Variants in SCRG1 observed in about 807,000 individuals in gnomAD.
The protein encoded by SCRG1 is scrapie-responsive protein 1.
A neutral mutation model predicts 7.7 loss-of-function variants in SCRG1; 3 were observed. That is an observed-to-expected ratio of 0.39 (90% CI 0.18 to 1.01). The LOEUF (loss-of-function observed/expected upper bound fraction) is 1.01. Among genes scored for constraint, SCRG1 ranks in the 50% least tolerant of loss-of-function variants. SCRG1 has a pLI of 0.36. For missense variants in SCRG1, 110 were observed against 117.2 expected (o/e 0.94, Z 0.28); for synonymous variants, 46 against 41.2 (o/e 1.12, Z -0.44).
chr4:173,484,137 A>C, the SCRG1 span, among the ~76,000 whole-genome samples: 245 of 15,122 alleles, frequency 0.016, 1 homozygote, highest in African/African-American at 0.033. Context: ...ATAATATATA[A>C]TATAGAATAT....
the SCRG1 span, among the ~76,000 whole-genome samples, chr4:173,487,995 G>A: frequency 6.6e-6 from 1 of 152,004 alleles, no homozygotes; most frequent in Non-Finnish European, 1.5e-5. Context: ...CAGCTACTTG[G>A]GAGGCTGAGG....
chr4:173,495,327 CA>C, the SCRG1 span, among the ~76,000 whole-genome samples: 1 of 152,324 alleles, frequency 6.6e-6, no homozygotes, highest in Admixed American at 6.5e-5. Flanking sequence ...GGCACTGCCA[CA>C]AACTGCTTTA....
the SCRG1 span, among the ~76,000 whole-genome samples, chr4:173,485,477 C>G: frequency 1.3e-5 from 2 of 151,416 alleles, no homozygotes; most frequent in Non-Finnish European, 2.9e-5. Context: ...CTGAGTGATC[C>G]CAGACAAACC....
chr4:173,436,092 A>T, the SCRG1 span, among the ~76,000 whole-genome samples: 1 of 129,626 alleles, frequency 7.7e-6, no homozygotes, highest in South Asian at 3.1e-4. Flanking sequence ...AATTAAAAGG[A>T]TGAAAAAAAC....
chr4:173,498,756 G>A, the SCRG1 span, among the ~76,000 whole-genome samples: 2 of 152,158 alleles, frequency 1.3e-5, no homozygotes, highest in South Asian at 4.1e-4. Context: ...GTGTGTGTAT[G>A]TATAGATGCA....
chr4:173,395,895 A>G (rs1165700973), intron 1 of SCRG1, among the ~76,000 whole-genome samples: 5 of 152,252 alleles, frequency 3.3e-5, no homozygotes, highest in Admixed American at 2.0e-4. Context: ...TAAAGGGCCT[A>G]GAAGATATGA....
the SCRG1 span, among the ~76,000 whole-genome samples, chr4:173,488,371 G>A: frequency 6.6e-6 from 1 of 152,174 alleles, no homozygotes; most frequent in Non-Finnish European, 1.5e-5. Context: ...GGTAGGTGAT[G>A]TTGGACACTA....
chr4:173,426,026 A>G, the SCRG1 span, among the ~76,000 whole-genome samples: 1 of 152,228 alleles, frequency 6.6e-6, no homozygotes, highest in Non-Finnish European at 1.5e-5. Flanking sequence ...CTCCTGGGGT[A>G]AGTTTGCCAG....
chr4:173,491,219 T>C, the SCRG1 span, among the ~76,000 whole-genome samples: 35 of 148,858 alleles, frequency 2.4e-4, no homozygotes, highest in Middle Eastern at 3.5e-3. Flanking sequence ...CTCTCTCTCT[T>C]TTTTTTTTTT....
the SCRG1 span, among the ~76,000 whole-genome samples, chr4:173,484,830 T>A: frequency 4.8e-5 from 4 of 83,646 alleles, no homozygotes; most frequent in Non-Finnish European, 8.2e-5. Context: ...ATATATATTA[T>A]ATGTACAATA....
At chr4:173,484,683 T>TATATTATATATTATATGCATATAACAC in the SCRG1 span, among the ~76,000 whole-genome samples, 1 of 50,066 alleles carries the variant, frequency 2.0e-5, no homozygotes, top group East Asian at 6.5e-4. Flanking sequence ...ATGTATAATA[T>TATATTATATATTATATGCATATAACAC]ATATTATATA....
At chr4:173,406,694 C>A (rs1274179297), upstream of SCRG1, among the ~76,000 whole-genome samples, 1 of 152,090 alleles carries the variant, frequency 6.6e-6, no homozygotes, top group African/African-American at 2.4e-5. Context: ...ATAGTTTTAC[C>A]CCTTCTAGAA....
At chr4:173,477,407 A>G in the SCRG1 span, among the ~76,000 whole-genome samples, 33 of 152,234 alleles carry the variant, frequency 2.2e-4, no homozygotes, top group African/African-American at 5.1e-4. Flanking sequence ...TCTCTTTCCT[A>G]TTAGGTAAGT....
chr4:173,425,621 C>G, the SCRG1 span, among the ~76,000 whole-genome samples: 1 of 152,180 alleles, frequency 6.6e-6, no homozygotes. Flanking sequence ...TCCACTGGCC[C>G]AGGGCCCAAT....
chr4:173,413,703 G>T, the SCRG1 span, among the ~76,000 whole-genome samples: 1 of 152,326 alleles, frequency 6.6e-6, no homozygotes, highest in South Asian at 2.1e-4. Context: ...GGGGAATCAT[G>T]TGAGTGGATG....
chr4:173,444,052 C>A, the SCRG1 span, among the ~76,000 whole-genome samples: 685 of 151,228 alleles, frequency 4.5e-3, 6 homozygotes, highest in African/African-American at 0.015. Flanking sequence ...CGGCTCACTG[C>A]GAACTCTGCC....
chr4:173,399,237 G>C (rs1292957407), upstream of SCRG1: 1 of 152,234 alleles, frequency 6.6e-6, no homozygotes, highest in Admixed American at 6.5e-5. Flanking sequence ...CGCTGCTCCA[G>C]CCAGGACTGT....
At chr4:173,488,130 TA>T in the SCRG1 span, among the ~76,000 whole-genome samples, 1 of 151,076 alleles carries the variant, frequency 6.6e-6, no homozygotes, top group African/African-American at 2.4e-5. Flanking sequence ...AATAAATAAA[TA>T]AATTTAAAAA....
the SCRG1 span, among the ~76,000 whole-genome samples, chr4:173,434,698 G>A: frequency 6.6e-6 from 1 of 152,114 alleles, no homozygotes; most frequent in Non-Finnish European, 1.5e-5. Flanking sequence ...CGGGTGTCGT[G>A]GTGACGCCTG....
Sources: gnomAD v4.1 joint callset for allele counts (sites outside exome capture counted in the v4.1 genomes callset) on GRCh38, gnomAD v4.1.1 for gene constraint, MANE v1.5 for transcripts, NCBI Gene and HGNC (gene_info 2026-07-23, HGNC 2026-07-21) for gene names.